The following PGBD4 variants were observed in gnomAD, a reference collection of about 807,000 sequenced individuals.
The protein encoded by PGBD4 is piggyBac transposable element derived 4.
Under a neutral mutation model 0.3 loss-of-function variants are expected in PGBD4, and 1 was observed. The ratio of observed to expected loss-of-function variants is 3.72; its 90% CI spans 1.32 to 17.64. PGBD4 has a LOEUF of 17.64. Ranked by LOEUF, PGBD4 falls within the 30% of genes most tolerant of loss-of-function variation. The probability of loss-of-function intolerance (pLI) is 0.11; values close to 1 mark genes in which losing one functional copy is unlikely to be tolerated. For missense variants in PGBD4, 624 were observed against 719.7 expected (o/e 0.87, Z 1.52); for synonymous variants, 253 against 267.7 (o/e 0.95, Z 0.54).
Position 34,105,355 on chromosome 15 carries a change from G to C in PGBD4, c.*1066G>C, listed in dbSNP as rs367740043. The C allele has an allele frequency of 4.8e-5, 8 of 167,130 alleles. No homozygotes were observed. The East Asian group carries it at 1.2e-3, about 24-fold the overall frequency. The allele number at this position is 167,130 out of a possible 1,614,324, so 10.4% of individuals were successfully genotyped here. A position where few individuals can be genotyped will look rare whatever the true frequency, so the allele number is the denominator to read the frequency against. ...TTTATGGTGGAAAGTGAAGTGACTT[G>C]CCCAAGATCTTTGTTGGCCCTAAAC... On this transcript the variant is annotated 3_prime_UTR_variant, in exon 1 of 1. Transcript: ENST00000397766.
rs1887742978 is a variant in PGBD4, at chr15:34,105,068, A to C, written c.*779A>C. The C allele has an allele frequency of 6.0e-6, 1 of 166,722 alleles. No homozygotes were observed. The highest frequency in any genetic ancestry group is 6.5e-5 in the Admixed American group (1 of 15,278). The allele number at this position is 166,722 out of a possible 1,614,324, so 10.3% of individuals were successfully genotyped here. On this transcript the variant is annotated 3_prime_UTR_variant, in exon 1 of 1. Transcript: ENST00000397766. ...AGCGAGCTACACTTTTTTTTTTCCT[A>C]AATGGAAAATGGGAAGGAGATACTG...
Position 34,103,830 on chromosome 15 carries a change from G to C in PGBD4, c.1299G>C (p.Ser433=). The C allele has an allele frequency of 1.2e-6, 2 of 1,614,082 alleles. No individual in the cohort carries two copies. Among genetic ancestry groups the C allele is most frequent in the Non-Finnish European group, 1.7e-6 (2 of 1,180,026 alleles). Residue 433 remains serine, a synonymous_variant, in exon 1 of 1, where the codon TCG becomes TCC. Coordinates refer to ENST00000397766, the MANE Select transcript of PGBD4 (RefSeq NM_152595.5). This position sits in a 1 kb window ranked among gnomAD's most constrained non-coding sequence, Gnocchi z 4.6. Reference sequence around the variant, plus strand: ...ACGAGAATATGGGAGCAGTGGACTCGGCTGATCAAATGCTTACTTCTTATC... The same window carrying C: ...ACGAGAATATGGGAGCAGTGGACTCCGCTGATCAAATGCTTACTTCTTATC... ...DYNENMGAVD[S]ADQMLTSYPS... is the part of the protein sequence containing the mutation.
Position 34,103,470 on chromosome 15 carries a change from T to C in PGBD4, c.939T>C (p.Ile313=), listed in dbSNP as rs757867616. ...CGGATGGCCTGAAATCATCACGCAT[T>C]GTTCTTACCTTGGTCAATGACCTTC... ...DSADGLKSSR[I]VLTLVNDLLG... is the part of the protein sequence containing the mutation. Residue 313 remains isoleucine (I), a synonymous_variant, in exon 1 of 1, where the codon ATT becomes ATC. Coordinates refer to ENST00000397766, the MANE Select transcript of PGBD4 (RefSeq NM_152595.5). The surrounding 1 kb of genome is among the most constrained non-coding windows in gnomAD (Gnocchi z 4.6). The C allele has an allele frequency of 6.2e-7, 1 of 1,614,102 alleles. No individual in the cohort carries two copies. Among genetic ancestry groups the C allele is most frequent in the Non-Finnish European group, 8.5e-7 (1 of 1,180,048 alleles).
rs1177048030 is a variant in PGBD4, at chr15:34,108,296, T to C, written c.*4007T>C. The C allele has an allele frequency of 2.0e-5, 3 of 152,232 alleles. No individual in the cohort carries two copies. The highest frequency in any genetic ancestry group is 4.4e-5 in the Non-Finnish European group (3 of 68,048). 9.4% of individuals were successfully genotyped at this position (152,232 alleles called of 1,614,324 possible). ...GTTTTTTAATCCATCTTCTGCCATA[T>C]GGTGAATTAAATCTAAGTTGTATTG... On this transcript the variant is annotated 3_prime_UTR_variant, in exon 1 of 1. Transcript: ENST00000397766.
In PGBD4 at chr15:34,103,609, C is replaced by G. The variant is rs1224113525; in HGVS notation, c.1078C>G (p.Gln360Glu). ...AVGTARLNRK[Q>E]IPNDLKKRIA... Reference sequence around the variant, plus strand: ...TGGGACAGCTCGTTTGAACAGAAAACAGATTCCAAATGATCTGAAAAAAAG... The same window carrying G: ...TGGGACAGCTCGTTTGAACAGAAAAGAGATTCCAAATGATCTGAAAAAAAG... Residue 360 changes from glutamine (Q) to glutamate (E), a missense_variant, in exon 1 of 1, where the codon CAG becomes GAG. Gln to Glu is a conservative substitution (Grantham distance 29). Transcript: ENST00000397766. The surrounding 1 kb of genome is among the most constrained non-coding windows in gnomAD (Gnocchi z 4.6). 8 of 1,613,934 alleles carry G rather than the reference C, an allele frequency of 5.0e-6. No individual in the cohort carries two copies. Among genetic ancestry groups the G allele is most frequent in the African/African-American group, 2.7e-5 (2 of 74,890 alleles).
At position 34,104,373 on chromosome 15, in the gene PGBD4, TG is replaced by T. The variant is rs944186139; in HGVS notation, c.*87del. 5 of 1,429,888 alleles carry T rather than the reference TG, an allele frequency of 3.5e-6. No homozygotes were observed. The highest frequency in any genetic ancestry group is 2.0e-4 in the Middle Eastern group (1 of 4,902). 88.6% of individuals were successfully genotyped at this position (1,429,888 alleles called of 1,614,324 possible). ...TAACTCCAAGATTGGGAGGCCGACC[TG>T]GGTGGATCACCTGAGATCAGGAATT... On this transcript the variant is annotated 3_prime_UTR_variant, in exon 1 of 1. Coordinates refer to ENST00000397766, the MANE Select transcript of PGBD4 (RefSeq NM_152595.5).
At position 34,107,519 on chromosome 15, in the gene PGBD4, T is replaced by G. The variant is rs537239301; in HGVS notation, c.*3230T>G. The G allele has an allele frequency of 6.6e-6, 1 of 152,332 alleles. No homozygotes were observed. Among genetic ancestry groups the G allele is most frequent in the South Asian group, 2.1e-4 (1 of 4,832 alleles). The allele number at this position is 152,332 out of a possible 1,614,324, so 9.4% of individuals were successfully genotyped here. A position where few individuals can be genotyped will look rare whatever the true frequency, so the allele number is the denominator to read the frequency against. On this transcript the variant is annotated 3_prime_UTR_variant, in exon 1 of 1. Coordinates refer to ENST00000397766, the MANE Select transcript of PGBD4 (RefSeq NM_152595.5). ...GTAATTTTGATGATATTGTGAAATC[T>G]TCTTCCACAGAAGTTGTTGCAACTT...
Position 34,107,531 on chromosome 15 carries a change from A to G in PGBD4, c.*3242A>G, listed in dbSNP as rs1304006588. The G allele has an allele frequency of 6.6e-6, 1 of 152,224 alleles. No homozygotes were observed. The highest frequency in any genetic ancestry group is 2.4e-5 in the African/African-American group (1 of 41,452). The allele number at this position is 152,224 out of a possible 1,614,324, so 9.4% of individuals were successfully genotyped here. On this transcript the variant is annotated 3_prime_UTR_variant, in exon 1 of 1. Coordinates refer to ENST00000397766, the MANE Select transcript of PGBD4 (RefSeq NM_152595.5). Reference sequence around the variant, plus strand: ...ATATTGTGAAATCTTCTTCCACAGAAGTTGTTGCAACTTTCACTCTCACCA... The same window carrying G: ...ATATTGTGAAATCTTCTTCCACAGAGGTTGTTGCAACTTTCACTCTCACCA...
rs1481628875 is a variant in PGBD4 at position 34,105,012 on chromosome 15, G to C, written c.*723G>C. On this transcript the variant is annotated 3_prime_UTR_variant, in exon 1 of 1. Transcript: ENST00000397766. ...TCAGATTTGCTTCAGCCTCAAAGAGGGTGTTTATGTAAAACTAAATGAGTG... is the reference window on the plus strand; with the variant it reads ...TCAGATTTGCTTCAGCCTCAAAGAGCGTGTTTATGTAAAACTAAATGAGTG... 1 of 164,206 alleles carries C rather than the reference G, an allele frequency of 6.1e-6. No homozygotes were observed. Among genetic ancestry groups the C allele is most frequent in the Non-Finnish European group, 1.5e-5 (1 of 68,084 alleles). 10.2% of individuals were successfully genotyped at this position (164,206 alleles called of 1,614,324 possible). A position where few individuals can be genotyped will look rare whatever the true frequency, so the allele number is the denominator to read the frequency against.
chr15:34,102,970 T>C lies in PGBD4; in HGVS notation c.439T>C (p.Trp147Arg). 6.2e-7 allele frequency: 1 copy of C among 1,614,150 alleles called. No individual in the cohort carries two copies. Among genetic ancestry groups the C allele is most frequent in the Non-Finnish European group, 8.5e-7 (1 of 1,180,042 alleles). The change falls in exon 1 of 1, where the codon TGG (tryptophan) becomes CGG (arginine). Residue 147 changes from tryptophan (W) to arginine (R), a missense_variant. Coordinates refer to ENST00000397766, the MANE Select transcript of PGBD4 (RefSeq NM_152595.5). The surrounding 1 kb of genome is among the most constrained non-coding windows in gnomAD (Gnocchi z 4.7). ...GAAAGGATTTTCGCGAATGGATAAATGGAAAGACACTGACAATGACGAGCT... is the reference window on the plus strand; with the variant it reads ...GAAAGGATTTTCGCGAATGGATAAACGGAAAGACACTGACAATGACGAGCT... The part of the protein sequence containing the change: ...GPKGFSRMDK[W>R]KDTDNDELKV...
Position 34,104,625 on chromosome 15 carries a change from A to C in PGBD4, c.*336A>C, listed in dbSNP as rs1901244977. 1 of 216,776 alleles carries C rather than the reference A, an allele frequency of 4.6e-6. No homozygotes were observed. Among genetic ancestry groups the C allele is most frequent in the Admixed American group, 5.5e-5 (1 of 18,268 alleles). 13.4% of individuals were successfully genotyped at this position (216,776 alleles called of 1,614,324 possible). On this transcript the variant is annotated 3_prime_UTR_variant, in exon 1 of 1. Coordinates refer to ENST00000397766, the MANE Select transcript of PGBD4 (RefSeq NM_152595.5). Reference sequence around the variant, plus strand: ...CTCAAAAAAAAGAAATAACTCCAAGAACAGTTTTGTTGTTTTTGTTTTGTT... The same window carrying C: ...CTCAAAAAAAAGAAATAACTCCAAGCACAGTTTTGTTGTTTTTGTTTTGTT...
rs1901248509 is a variant in PGBD4 at position 34,104,770 on chromosome 15, C to T, written c.*481C>T. ...AAGCGATTCTCGTGCCTCAGCCTCC[C>T]TAGTAGCTGGGATTACAGGCATGTG... is the stretch of plus-strand genomic sequence containing the variant. On this transcript the variant is annotated 3_prime_UTR_variant, in exon 1 of 1. Transcript: ENST00000397766. 6.6e-6 allele frequency: 1 copy of T among 152,134 alleles called. No homozygotes were observed. The highest frequency in any genetic ancestry group is 1.5e-5 in the Non-Finnish European group (1 of 68,218). The allele number at this position is 152,134 out of a possible 1,614,324, so 9.4% of individuals were successfully genotyped here.
Position 34,103,959 on chromosome 15 carries a change from T to C in PGBD4, c.1428T>C (p.Pro476=). 5.0e-6 allele frequency: 8 copies of C among 1,614,096 alleles called. No individual in the cohort carries two copies. Among genetic ancestry groups the C allele is most frequent in the Non-Finnish European group, 6.8e-6 (8 of 1,179,974 alleles). ...NSYILFKKDN[P]EHTMSHINFR... ...ACATCCTGTTCAAGAAGGATAATCC[T>C]GAGCACACGATGAGCCATATAAACT... The change falls in exon 1 of 1, where the codon CCT becomes CCC. Residue 476 remains proline (P), a synonymous_variant. Transcript: ENST00000397766. This position sits in a 1 kb window ranked among gnomAD's most constrained non-coding sequence, Gnocchi z 4.6.
In PGBD4 at chr15:34,103,854, T is replaced by A; in HGVS notation, c.1323T>A (p.Tyr441Ter). 6.2e-7 allele frequency: 1 copy of A among 1,614,116 alleles called. No homozygotes were observed. The highest frequency in any genetic ancestry group is 8.5e-7 in the Non-Finnish European group (1 of 1,180,036). ...CGGCTGATCAAATGCTTACTTCTTATCCATCTGAGCGCAAAAGACACAAGG... is the reference window on the plus strand; with the variant it reads ...CGGCTGATCAAATGCTTACTTCTTAACCATCTGAGCGCAAAAGACACAAGG... ...VDSADQMLTS[Y>*]PSERKRHKVW... Residue 441 changes from tyrosine (Y) to a stop codon, truncating the protein, a stop_gained, in exon 1 of 1, where the codon TAT (tyrosine) becomes TAA (stop). Transcript: ENST00000397766. LOFTEE classifies it low-confidence loss of function (END_TRUNC). The surrounding 1 kb of genome is among the most constrained non-coding windows in gnomAD (Gnocchi z 4.6).
At position 34,103,385 on chromosome 15, in the gene PGBD4, C is replaced by T; in HGVS notation, c.854C>T (p.Ser285Phe). 1 of 1,614,182 alleles carries T rather than the reference C, an allele frequency of 6.2e-7. No homozygotes were observed. The highest frequency in any genetic ancestry group is 8.5e-7 in the Non-Finnish European group (1 of 1,180,036). ...CTATATGTACTTTGTGAAAGTCAGT[C>T]TGGTTATGTGTGGAATGCGCTTGTT... The part of the protein sequence containing the change: ...LKLYVLCESQ[S>F]GYVWNALVHT... The change falls in exon 1 of 1, where the codon TCT (serine) becomes TTT (phenylalanine). Residue 285 changes from serine to phenylalanine, a missense_variant. Physicochemically the swap from Ser to Phe is radical, Grantham distance 155. Transcript: ENST00000397766. The surrounding 1 kb of genome is among the most constrained non-coding windows in gnomAD (Gnocchi z 4.6).
At position 34,102,840 on chromosome 15, in the gene PGBD4, C is replaced by A; in HGVS notation, c.309C>A (p.Asp103Glu). Residue 103 changes from aspartate to glutamate, a missense_variant, in exon 1 of 1, where the codon GAC becomes GAA. Physicochemically the swap from Asp to Glu is conservative, Grantham distance 45. Coordinates refer to ENST00000397766, the MANE Select transcript of PGBD4 (RefSeq NM_152595.5). The surrounding 1 kb of genome is among the most constrained non-coding windows in gnomAD (Gnocchi z 4.7). ...GRKVDVSDIT[D>E]PLQYFELFFT... ...AAGTCGATGTCAGTGATATCACTGA[C>A]CCATTGCAGTATTTTGAACTGTTCT... The A allele has an allele frequency of 3.1e-6, 5 of 1,614,076 alleles. No individual in the cohort carries two copies. Among genetic ancestry groups the A allele is most frequent in the Non-Finnish European group, 3.4e-6 (4 of 1,180,034 alleles).
chr15:34,103,404 G>A lies in PGBD4; in HGVS notation c.873G>A (p.Ala291=), dbSNP rs773195843. 5.0e-5 allele frequency: 80 copies of A among 1,614,082 alleles called. No homozygotes were observed. The Admixed American group carries it at 6.2e-4, about 12-fold the overall frequency. Residue 291 remains alanine (A), a synonymous_variant, in exon 1 of 1, where the codon GCG becomes GCA. Transcript: ENST00000397766. The surrounding 1 kb of genome is among the most constrained non-coding windows in gnomAD (Gnocchi z 4.6). ...GTCAGTCTGGTTATGTGTGGAATGCGCTTGTTCACACAGGGCCTGGCATGA... is the reference window on the plus strand; with the variant it reads ...GTCAGTCTGGTTATGTGTGGAATGCACTTGTTCACACAGGGCCTGGCATGA... ...CESQSGYVWN[A]LVHTGPGMNL...
At position 34,107,131 on chromosome 15, in the gene PGBD4, A is replaced by G. The variant is rs1306263684; in HGVS notation, c.*2842A>G. The stretch of plus-strand genomic sequence containing the variant: ...TGTTTAATATAAAATACACTAATAT[A>G]TAATAATGTATTACCTAACATATGA... On this transcript the variant is annotated 3_prime_UTR_variant, in exon 1 of 1. Transcript: ENST00000397766. 2 of 151,652 alleles carry G rather than the reference A, an allele frequency of 1.3e-5. No homozygotes were observed. The highest frequency in any genetic ancestry group is 2.9e-5 in the Non-Finnish European group (2 of 67,924). 9.4% of individuals were successfully genotyped at this position (151,652 alleles called of 1,614,324 possible).
rs1408416118 is a variant in PGBD4, at chr15:34,103,491, C to A, written c.960C>A (p.Asp320Glu). 1.2e-6 allele frequency: 2 copies of A among 1,614,164 alleles called. No homozygotes were observed. The highest frequency in any genetic ancestry group is 2.2e-5 in the East Asian group (1 of 44,886). The part of the protein sequence containing the change: ...SSRIVLTLVN[D>E]LLGQGYCVFL... ...GCATTGTTCTTACCTTGGTCAATGA[C>A]CTTCTTGGCCAAGGGTATTGTGTCT... The change falls in exon 1 of 1, where the codon GAC becomes GAA. Residue 320 changes from aspartate to glutamate, a missense_variant. By Grantham distance (45) the Asp-to-Glu change is conservative. Coordinates refer to ENST00000397766, the MANE Select transcript of PGBD4 (RefSeq NM_152595.5). The surrounding 1 kb of genome is among the most constrained non-coding windows in gnomAD (Gnocchi z 4.6).
Sources: allele counts gnomAD v4.1 joint callset, GRCh38; gene constraint gnomAD v4.1.1; non-coding constraint Gnocchi (gnomAD v3.1); transcripts MANE v1.5; gene names NCBI Gene and HGNC (gene_info 2026-07-23, HGNC 2026-07-21).